Variants in MTFR1 observed in about 807,000 individuals in gnomAD.
MTFR1 encodes mitochondrial fission regulator 1, also known as chondrocyte protein with a poly-proline region.
A neutral mutation model predicts 38.8 loss-of-function variants in MTFR1; 28 were observed. The observed-to-expected ratio is 0.72, with a 90% CI of 0.53 to 0.99. MTFR1 has a LOEUF of 0.99. Ranked by LOEUF, MTFR1 falls within the 50% of genes least tolerant of loss-of-function variation. The pLI, the probability that MTFR1 is intolerant of heterozygous loss-of-function variation, is 0.00. For missense variants in MTFR1, 358 were observed against 395.5 expected, an observed-to-expected ratio of 0.91 and a Z score of 0.81; for synonymous variants, 145 against 137.0, an observed-to-expected ratio of 1.06 and a Z score of -0.41.
chr8:65,760,820 G>A (rs964588048), intron 3 of MTFR1, among the ~76,000 whole-genome samples: 2 of 152,152 alleles, frequency 1.3e-5, no homozygotes, highest in Non-Finnish European at 2.9e-5. Flanking sequence ...TTACACCCAG[G>A]TGTTCTGTCA....
chr8:65,711,086 A>G (rs1040442020), downstream of MTFR1, among the ~76,000 whole-genome samples: 14 of 152,160 alleles, frequency 9.2e-5, no homozygotes, highest in Non-Finnish European at 1.9e-4. Flanking sequence ...CCCCTGTTAA[A>G]TAATTTATCT....
At chr8:65,651,922 C>G (rs925887309) in intron 1 of MTFR1, among the ~76,000 whole-genome samples, 3 of 151,590 alleles carry the variant, frequency 2.0e-5, no homozygotes, top group Non-Finnish European at 4.4e-5. Flanking sequence ...TTTTCCAGTT[C>G]ATGAACATGG....
At chr8:65,690,466 G>A (rs1012911662) in intron 3 of MTFR1, among the ~76,000 whole-genome samples, 1 of 152,124 alleles carries the variant, frequency 6.6e-6, no homozygotes, top group African/African-American at 2.4e-5. Context: ...GAGGCGGGAG[G>A]TTGCAGTGAG....
chr8:65,664,924 TAAAA>T, intron 1 of MTFR1, among the ~76,000 whole-genome samples: 1 of 146,888 alleles, frequency 6.8e-6, no homozygotes, highest in South Asian at 2.2e-4. Flanking sequence ...TTCATGCTTT[TAAAA>T]AAAAATTTTT....
At chr8:65,719,603 G>T (rs1247377613) in intron 3 of MTFR1, 2 of 709,416 alleles carry the variant, frequency 2.8e-6, no homozygotes, top group Non-Finnish European at 4.8e-6. Context: ...GTATTACCCA[G>T]ATCTTATTCT....
At chr8:65,724,642 C>T (rs984052589) in intron 3 of MTFR1, 37 of 731,502 alleles carry the variant, frequency 5.1e-5, no homozygotes, top group Non-Finnish European at 7.0e-5. Context: ...AAGGAGTGTG[C>T]GCTAATTGAA....
intron 1 of MTFR1, among the ~76,000 whole-genome samples, chr8:65,666,070 C>T (rs1173413405): frequency 3.3e-5 from 5 of 152,114 alleles, no homozygotes; most frequent in East Asian, 1.9e-4. Context: ...AGAATATAAA[C>T]GTGTTGAAAG....
At chr8:65,771,698 A>G (rs544118686), downstream of MTFR1, among the ~76,000 whole-genome samples, 6 of 152,084 alleles carry the variant, frequency 3.9e-5, no homozygotes, top group African/African-American at 1.4e-4. Context: ...AACATGGTGA[A>G]ACCCCATCTC....
At chr8:65,671,730 GT>G (rs1261178564) in intron 2 of MTFR1, among the ~76,000 whole-genome samples, 1 of 152,136 alleles carries the variant, frequency 6.6e-6, no homozygotes, top group Non-Finnish European at 1.5e-5. Flanking sequence ...AAGAAGTATA[GT>G]TTAATGGTAA....
chr8:65,667,218 G>T (rs1187146967), intron 1 of MTFR1, among the ~76,000 whole-genome samples: 1 of 151,626 alleles, frequency 6.6e-6, no homozygotes, highest in Non-Finnish European at 1.5e-5. Flanking sequence ...AAAGGTTGCA[G>T]TGAGCCAAGA....
At chr8:65,770,623 C>A (rs1416171921) in intron 3 of MTFR1, among the ~76,000 whole-genome samples, 1 of 152,200 alleles carries the variant, frequency 6.6e-6, no homozygotes, top group African/African-American at 2.4e-5. Context: ...AACACCATAA[C>A]TTAATACATG....
chr8:65,645,018 G>A (rs1808911166), intron 1 of MTFR1, among the ~76,000 whole-genome samples: 1 of 152,216 alleles, frequency 6.6e-6, no homozygotes, highest in African/African-American at 2.4e-5. Context: ...GAGGAGCTGA[G>A]GGAAGTCGGC....
In MTFR1 at chr8:65,709,242, TCCA is replaced by T; in HGVS notation, c.*200_*202del. The stretch of plus-strand genomic sequence containing the variant: ...TGTGAGATGGTCAGCTTTGGTGCTC[TCCA>T]CAACATGTGTGTTCTGACATGTTTC... On this transcript the variant is annotated 3_prime_UTR_variant, in exon 8 of 8. Coordinates refer to ENST00000262146, the MANE Select transcript of MTFR1 (RefSeq NM_014637.4). 1.8e-6 allele frequency: 1 copy of T among 556,512 alleles called. No homozygotes were observed. The highest frequency in any genetic ancestry group is 2.3e-5 in the South Asian group (1 of 43,194). The allele number at this position is 556,512 out of a possible 1,614,324, so 34.5% of individuals were successfully genotyped here. A position where few individuals can be genotyped will look rare whatever the true frequency, so the allele number is the denominator to read the frequency against.
At chr8:65,774,865 A>G (rs148823296), downstream of MTFR1, among the ~76,000 whole-genome samples, 10 of 152,326 alleles carry the variant, frequency 6.6e-5, no homozygotes, top group African/African-American at 2.4e-4. Flanking sequence ...CTGAGACATC[A>G]CACATCATGC....
chr8:65,665,646 C>T (rs561793272), intron 1 of MTFR1, among the ~76,000 whole-genome samples: 1 of 152,278 alleles, frequency 6.6e-6, no homozygotes, highest in South Asian at 2.1e-4. Flanking sequence ...ATCGCGCTAG[C>T]CAGCCACTTT....
At chr8:65,773,922 A>G (rs2128921827), downstream of MTFR1, among the ~76,000 whole-genome samples, 1 of 152,308 alleles carries the variant, frequency 6.6e-6, no homozygotes, top group East Asian at 1.9e-4. Flanking sequence ...TCCAAATACA[A>G]TTGTACATTT....
chr8:65,752,981 C>G (rs2128909386), intron 3 of MTFR1, among the ~76,000 whole-genome samples: 1 of 152,240 alleles, frequency 6.6e-6, no homozygotes, highest in South Asian at 2.1e-4. Flanking sequence ...TCTGAATGTA[C>G]ATGTCTAATG....
At chr8:65,712,288 C>G (rs764882237), downstream of MTFR1, among the ~76,000 whole-genome samples, 1 of 152,164 alleles carries the variant, frequency 6.6e-6, no homozygotes, top group Non-Finnish European at 1.5e-5. Flanking sequence ...GCACTGACCG[C>G]GGGGGCTGAG....
intron 4 of MTFR1, among the ~76,000 whole-genome samples, chr8:65,698,987 C>A: frequency 6.6e-6 from 1 of 152,216 alleles, no homozygotes; most frequent in East Asian, 1.9e-4. Context: ...CTTGGCCTCC[C>A]AAAGTGCTGG....
Sources: allele counts gnomAD v4.1 joint callset (sites outside exome capture counted in the v4.1 genomes callset), GRCh38; gene constraint gnomAD v4.1.1; transcripts MANE v1.5; gene names NCBI Gene and HGNC (gene_info 2026-07-23, HGNC 2026-07-21).